Variants in ADAMTS2 observed in about 807,000 individuals in gnomAD.
ADAMTS2 encodes the protein ADAM metallopeptidase with thrombospondin type 1 motif 2.
A neutral mutation model predicts 123.0 loss-of-function variants in ADAMTS2; 50 were observed. That is an observed-to-expected ratio of 0.41 (90% CI 0.32 to 0.51). ADAMTS2 has a LOEUF of 0.51. Ranked by LOEUF, ADAMTS2 falls within the 20% of genes least tolerant of loss-of-function variation. The pLI, the probability that ADAMTS2 is intolerant of heterozygous loss-of-function variation, is 0.35. For synonymous variants in ADAMTS2, 678 were observed against 695.4 expected, an observed-to-expected ratio of 0.98 and a Z score of 0.39; for missense variants, 1,494 against 1,705.2, an observed-to-expected ratio of 0.88 and a Z score of 2.18.
chr5:179,148,819 G>A (rs543880746), intron 10 of ADAMTS2, among the ~76,000 whole-genome samples: 2 of 152,170 alleles, frequency 1.3e-5, no homozygotes, highest in South Asian at 2.1e-4. Flanking sequence ...TGCAGAGGCC[G>A]CCACTCTGGA....
Position 179,285,362 on chromosome 5 carries a change from CGGGGCCAGCGCA to C in ADAMTS2, c.535-12310_535-12299del, listed in dbSNP as rs372786068. ...ACAAGATGCCGACAAGAATGCCTCA[CGGGGCCAGCGCA>C]GGGGCCAGCCAGGCGGCCTTCTGCT... On this transcript the variant is annotated intron_variant, in intron 2 of 21. Coordinates refer to ENST00000251582, the MANE Select transcript of ADAMTS2 (RefSeq NM_014244.5). This position sits in a 1 kb window ranked among gnomAD's most constrained non-coding sequence, Gnocchi z 4.9. Among the ~76,000 whole-genome samples, 1,084 of 152,344 alleles carry C rather than the reference CGGGGCCAGCGCA, an allele frequency of 7.1e-3. 15 individuals are homozygous for C. The highest frequency in any genetic ancestry group is 0.025 in the African/African-American group (1,031 of 41,580).
At position 179,302,093 on chromosome 5, in the gene ADAMTS2, G is replaced by A. The variant is rs546777454; in HGVS notation, c.535-29029C>T. ...TCTGGCCAGCGTCAGGAAGGGGAGT[G>A]TAGAGTGAGTAGGAAGCCACACAGG... On this transcript the variant is annotated intron_variant, in intron 2 of 21. Coordinates refer to ENST00000251582, the MANE Select transcript of ADAMTS2 (RefSeq NM_014244.5). 6.6e-5 allele frequency among the ~76,000 whole-genome samples: 10 copies of A among 152,306 alleles called. No individual in the cohort carries two copies. In the East Asian group the frequency reaches 1.6e-3, roughly 24 times the overall value.
intron 4 of ADAMTS2, among the ~76,000 whole-genome samples, chr5:179,191,078 G>C (rs34330133): frequency 0.17 from 25,863 of 152,320 alleles, 2,545 homozygotes; most frequent in Non-Finnish European, 0.22. Flanking sequence ...GCTGCAGAAC[G>C]GGGAAGGACC....
rs918178149 is a variant in ADAMTS2, at chr5:179,202,584, T to C, written c.891+4929A>G. On this transcript the variant is annotated intron_variant, in intron 4 of 21. Transcript: ENST00000251582. The surrounding 1 kb of genome is among the most constrained non-coding windows in gnomAD (Gnocchi z 4.0). ...CCTGTCATGCTCACAGCTGCACCCC[T>C]TGCCTGACATATAATAGACGCCCCA... is the stretch of plus-strand genomic sequence containing the variant. Among the ~76,000 whole-genome samples, 1 of 152,170 alleles carries C rather than the reference T, an allele frequency of 6.6e-6. No individual in the cohort carries two copies. The highest frequency in any genetic ancestry group is 2.4e-5 in the African/African-American group (1 of 41,450).
In ADAMTS2 at chr5:179,154,124, G is replaced by A. The variant is rs1401210499; in HGVS notation, c.1307C>T (p.Ala436Val). Residue 436 changes from alanine to valine, a missense_variant, in exon 8 of 22, where the codon GCG becomes GTG. Ala to Val is a moderately conservative substitution (Grantham distance 64). This residue lies in a region of ADAMTS2 where 953 missense variants were observed against 1,124.7 expected (regional missense o/e 0.85). Coordinates refer to ENST00000251582, the MANE Select transcript of ADAMTS2 (RefSeq NM_014244.5). The part of the protein sequence containing the change: ...GDEVRLGSIM[A>V]PLVQAAFHRF... The stretch of plus-strand genomic sequence containing the variant: ...GTGGAAGGCGGCCTGCACCAGGGGC[G>A]CCATGATGCTGCCCAGCCGCACCTC... 1.3e-6 allele frequency: 2 copies of A among 1,594,172 alleles called. No individual in the cohort carries two copies. Among genetic ancestry groups the A allele is most frequent in the Non-Finnish European group, 1.7e-6 (2 of 1,175,560 alleles).
intron 2 of ADAMTS2, among the ~76,000 whole-genome samples, chr5:179,335,139 G>A (rs59044622): frequency 0.03 from 4,561 of 152,050 alleles, 82 homozygotes; most frequent in Middle Eastern, 0.078. Context: ...AAAGGGGGAC[G>A]TATCCAGCCA....
chr5:179,184,832 T>C (rs1764133122), intron 4 of ADAMTS2, among the ~76,000 whole-genome samples: 1 of 151,706 alleles, frequency 6.6e-6, no homozygotes, highest in Non-Finnish European at 1.5e-5. Flanking sequence ...CCAGCCCTCC[T>C]GCCAGGAGGC....
chr5:179,171,911 T>A (rs903360795), intron 5 of ADAMTS2, among the ~76,000 whole-genome samples: 1 of 152,198 alleles, frequency 6.6e-6, no homozygotes, highest in Non-Finnish European at 1.5e-5. Flanking sequence ...GAACAGGCAC[T>A]GGGGTGTCCT....
At chr5:179,143,429 GAAAAA>G (rs546474818) in intron 10 of ADAMTS2, among the ~76,000 whole-genome samples, 2 of 77,224 alleles carry the variant, frequency 2.6e-5, no homozygotes, top group African/African-American at 4.4e-5. Context: ...ACTCTGTCTC[GAAAAA>G]AAAAAAAAAA....
chr5:179,152,750 G>A (rs1310926658), intron 9 of ADAMTS2, among the ~76,000 whole-genome samples: 1 of 152,096 alleles, frequency 6.6e-6, no homozygotes, highest in Non-Finnish European at 1.5e-5. Flanking sequence ...ACGTGGCCCT[G>A]AGCCTCCCCT....
intron 11 of ADAMTS2, 138 bp from the exon 12 acceptor site, chr5:179,138,082 TGCCC>T (rs1763097720): frequency 1.1e-6 from 1 of 944,278 alleles, no homozygotes; most frequent in Non-Finnish European, 1.6e-6. Flanking sequence ...AAAGGGACCT[TGCCC>T]TGCCATGTCC....
chr5:179,138,407 CCA>C (rs1453411519), intron 11 of ADAMTS2, among the ~76,000 whole-genome samples: 6 of 152,192 alleles, frequency 3.9e-5, no homozygotes, highest in Non-Finnish European at 7.3e-5. Flanking sequence ...TGCTGAGGCC[CCA>C]GAGTCCCGGT....
intron 3 of ADAMTS2, among the ~76,000 whole-genome samples, chr5:179,221,720 C>G (rs539455845): frequency 1.3e-5 from 2 of 152,036 alleles, no homozygotes; most frequent in Admixed American, 6.5e-5. Flanking sequence ...CAGAGAAGAG[C>G]CCCCCGCAGA....
At chr5:179,218,873 G>T (rs556245375) in intron 3 of ADAMTS2, among the ~76,000 whole-genome samples, 18 of 152,156 alleles carry the variant, frequency 1.2e-4, no homozygotes, top group African/African-American at 4.3e-4. Context: ...ACATACCCCC[G>T]CACAGCAGAG....
chr5:179,194,397 G>A (rs184100318), intron 4 of ADAMTS2, among the ~76,000 whole-genome samples: 35 of 152,318 alleles, frequency 2.3e-4, no homozygotes, highest in Admixed American at 1.3e-3. Context: ...TGCTCTATCC[G>A]GGTGCACTAA....
chr5:179,187,283 G>A (rs1377023755), intron 4 of ADAMTS2, among the ~76,000 whole-genome samples: 2 of 152,182 alleles, frequency 1.3e-5, no homozygotes, highest in Non-Finnish European at 1.5e-5. Context: ...AGTTCCTGGC[G>A]TGACCTCCAG....
intron 3 of ADAMTS2, among the ~76,000 whole-genome samples, chr5:179,217,785 GGATGGCGC>G (rs1765020408): frequency 8.8e-6 from 1 of 113,868 alleles, no homozygotes; most frequent in Admixed American, 8.7e-5. Context: ...ACTCACTAGG[GGATGGCGC>G]AAGGGGGGGA....
At position 179,129,168 on chromosome 5, in the gene ADAMTS2, G is replaced by A. The variant is rs2113198262; in HGVS notation, c.2457+764C>T. 6.6e-6 allele frequency among the ~76,000 whole-genome samples: 1 copy of A among 152,316 alleles called. No individual in the cohort carries two copies. On this transcript the variant is annotated intron_variant, in intron 16 of 21. Coordinates refer to ENST00000251582, the MANE Select transcript of ADAMTS2 (RefSeq NM_014244.5). The surrounding 1 kb of genome is among the most constrained non-coding windows in gnomAD (Gnocchi z 4.1). ...AGCTGCTCACACACTGATGCAGGCA[G>A]GTCACCAAAGGCACGTCCAGGGGGC...
intron 9 of ADAMTS2, among the ~76,000 whole-genome samples, chr5:179,152,852 G>GT (rs1024380622): frequency 2.0e-5 from 3 of 152,052 alleles, no homozygotes; most frequent in Non-Finnish European, 4.4e-5. Context: ...TCCTGCGTTG[G>GT]TACTCGACTC....
Sources: gnomAD v4.1 joint callset for allele counts (sites outside exome capture counted in the v4.1 genomes callset) on GRCh38, gnomAD v4.1.1 for gene constraint, gnomAD v4.1.1 regional missense constraint, Gnocchi (gnomAD v3.1) non-coding constraint, MANE v1.5 for transcripts, NCBI Gene and HGNC (gene_info 2026-07-23, HGNC 2026-07-21) for gene names.